The following KCNG3 variants were observed in gnomAD, a reference collection of about 807,000 sequenced individuals.
KCNG3 encodes potassium voltage-gated channel modifier subfamily G member 3.
A neutral mutation model predicts 29.0 loss-of-function variants in KCNG3; 15 were observed. The observed-to-expected ratio is 0.52, with a 90% CI of 0.35 to 0.80. KCNG3 has a LOEUF of 0.80. Among genes scored for constraint, KCNG3 ranks in the 30% least tolerant of loss-of-function variants. The pLI, the probability that KCNG3 is intolerant of heterozygous loss-of-function variation, is 0.01. For missense variants in KCNG3, 512 were observed against 605.7 expected (o/e 0.85, Z 1.62); for synonymous variants, 322 against 248.9 (o/e 1.29, Z -2.76).
chr2:42,460,496 T>C (rs1034011891), intron 1 of KCNG3, among the ~76,000 whole-genome samples: 1 of 152,128 alleles, frequency 6.6e-6, no homozygotes, highest in Non-Finnish European at 1.5e-5. Context: ...CCTTAAGAAC[T>C]CAAAAATAGA....
chr2:42,431,000 G>A, the KCNG3 span, among the ~76,000 whole-genome samples: 3 of 151,392 alleles, frequency 2.0e-5, no homozygotes, highest in African/African-American at 7.3e-5. Context: ...TAACTGCTCA[G>A]GAGGCTAAGA....
At chr2:42,405,962 T>G in the KCNG3 span, among the ~76,000 whole-genome samples, 1 of 151,368 alleles carries the variant, frequency 6.6e-6, no homozygotes, top group South Asian at 2.1e-4. Flanking sequence ...AGGCTGGTCT[T>G]GAACTCCTGA....
chr2:42,474,955 G>T (rs907220086), intron 1 of KCNG3, among the ~76,000 whole-genome samples: 1 of 152,136 alleles, frequency 6.6e-6, no homozygotes, highest in Non-Finnish European at 1.5e-5. Context: ...ATCATAATTA[G>T]ACCAGGCTAC....
rs142338630 is a variant in KCNG3, at chr2:42,487,875, C to A, written c.665+4962G>T. The stretch of plus-strand genomic sequence containing the variant: ...GACATAAATGTATAGTGACTATGGG[C>A]CATCTCTACAGTAGAATACTACGAA... On this transcript the variant is annotated intron_variant, in intron 1 of 1. Coordinates refer to ENST00000306078, the MANE Select transcript of KCNG3 (RefSeq NM_133329.6). Among the ~76,000 whole-genome samples the A allele has an allele frequency of 5.1e-3, 779 of 152,248 alleles. 8 individuals carry two copies. The highest frequency in any genetic ancestry group is 0.017 in the African/African-American group (717 of 41,544).
chr2:42,402,668 C>A, the KCNG3 span, among the ~76,000 whole-genome samples: 1 of 152,188 alleles, frequency 6.6e-6, no homozygotes, highest in Non-Finnish European at 1.5e-5. Flanking sequence ...CCACCCTTTC[C>A]CACTGATCTG....
chr2:42,423,393 G>A, the KCNG3 span, among the ~76,000 whole-genome samples: 1 of 152,174 alleles, frequency 6.6e-6, no homozygotes, highest in African/African-American at 2.4e-5. Context: ...TGCCTGCAGG[G>A]TGAAGCCCAC....
chr2:42,493,696 G>T lies in KCNG3; in HGVS notation c.-195C>A, dbSNP rs1673985461. ...GAGTATCTCCGGCGCTGCTAGTAGC[G>T]CGCCCTCCGCCCGGCGGTACCTGCG... On this transcript the variant is annotated 5_prime_UTR_variant, in exon 1 of 2. Coordinates refer to ENST00000306078, the MANE Select transcript of KCNG3 (RefSeq NM_133329.6). 1 of 389,676 alleles carries T rather than the reference G, an allele frequency of 2.6e-6. No homozygotes were observed. The highest frequency in any genetic ancestry group is 4.2e-5 in the East Asian group (1 of 24,070). 24.1% of individuals were successfully genotyped at this position (389,676 alleles called of 1,614,324 possible). A position where few individuals can be genotyped will look rare whatever the true frequency, so the allele number is the denominator to read the frequency against.
chr2:42,429,848 C>T, the KCNG3 span, among the ~76,000 whole-genome samples: 1 of 152,110 alleles, frequency 6.6e-6, no homozygotes, highest in African/African-American at 2.4e-5. Context: ...AGAAGAGAAA[C>T]AATGCGGGTG....
At chr2:42,415,032 T>C in the KCNG3 span, among the ~76,000 whole-genome samples, 4 of 152,198 alleles carry the variant, frequency 2.6e-5, no homozygotes, top group Middle Eastern at 3.2e-3. Context: ...GTTGGATTTG[T>C]AGATTTTCCT....
At chr2:42,418,683 T>G in the KCNG3 span, among the ~76,000 whole-genome samples, 1 of 152,178 alleles carries the variant, frequency 6.6e-6, no homozygotes, top group Non-Finnish European at 1.5e-5. Context: ...GTTAAAAACA[T>G]GTATCATAAA....
At chr2:42,458,909 T>C (rs1672945027) in intron 1 of KCNG3, among the ~76,000 whole-genome samples, 1 of 152,196 alleles carries the variant, frequency 6.6e-6, no homozygotes, top group South Asian at 2.1e-4. Flanking sequence ...CCATTCAACA[T>C]ACAAGAGAAG....
intron 1 of KCNG3, among the ~76,000 whole-genome samples, chr2:42,478,082 A>G (rs1019117893): frequency 2.0e-5 from 3 of 152,120 alleles, no homozygotes; most frequent in Non-Finnish European, 4.4e-5. Flanking sequence ...ATAGGTGTCC[A>G]CATTGAAGTT....
the KCNG3 span, among the ~76,000 whole-genome samples, chr2:42,427,435 T>A: frequency 7.7e-3 from 1,038 of 135,194 alleles, 15 homozygotes; most frequent in African/African-American, 0.026. Flanking sequence ...CAAAACCCCA[T>A]CTCTATTAAA....
chr2:42,445,931 T>C (rs2103663091), intron 1 of KCNG3, among the ~76,000 whole-genome samples: 1 of 152,102 alleles, frequency 6.6e-6, no homozygotes, highest in South Asian at 2.1e-4. Context: ...TTCACCATTT[T>C]GGCCAGGCTG....
rs765833124 is a variant in KCNG3, at chr2:42,443,076, G to A, written c.*858C>T. On this transcript the variant is annotated 3_prime_UTR_variant, in exon 2 of 2. Coordinates refer to ENST00000306078, the MANE Select transcript of KCNG3 (RefSeq NM_133329.6). ...GGGGAGGAGGTTAAGAGAAGAAGAG[G>A]TTGTAATATTGAGTCATCTCAAATT... The A allele has an allele frequency of 6.6e-6, 1 of 152,098 alleles. No individual in the cohort carries two copies. Among genetic ancestry groups the A allele is most frequent in the Non-Finnish European group, 1.5e-5 (1 of 68,010 alleles). The allele number at this position is 152,098 out of a possible 1,614,324, so 9.4% of individuals were successfully genotyped here.
chr2:42,485,028 T>C (rs1217510238), intron 1 of KCNG3, among the ~76,000 whole-genome samples: 3 of 152,234 alleles, frequency 2.0e-5, no homozygotes, highest in African/African-American at 7.2e-5. Context: ...TTAAAACCTA[T>C]TGGATTTATG....
chr2:42,392,210 C>T, the KCNG3 span, among the ~76,000 whole-genome samples: 1 of 152,098 alleles, frequency 6.6e-6, no homozygotes, highest in Non-Finnish European at 1.5e-5. Context: ...TCCTCTAATG[C>T]ATTCAGGGAA....
chr2:42,468,594 A>G (rs1253893100), intron 1 of KCNG3, among the ~76,000 whole-genome samples: 2 of 152,220 alleles, frequency 1.3e-5, no homozygotes, highest in East Asian at 3.8e-4. Flanking sequence ...GAAAGACATT[A>G]AAGAATAGTG....
At chr2:42,457,498 A>G (rs1672903953) in intron 1 of KCNG3, among the ~76,000 whole-genome samples, 1 of 151,880 alleles carries the variant, frequency 6.6e-6, no homozygotes, top group African/African-American at 2.4e-5. Flanking sequence ...TTTCAAAAAA[A>G]AAGAGAGAAG....
Sources: gnomAD v4.1 joint callset for allele counts (sites outside exome capture counted in the v4.1 genomes callset) on GRCh38, gnomAD v4.1.1 for gene constraint, MANE v1.5 for transcripts, NCBI Gene and HGNC (gene_info 2026-07-23, HGNC 2026-07-21) for gene names.